CAB39: variants seen among roughly 807,000 people sequenced by gnomAD.
The protein encoded by CAB39 is calcium-binding protein 39.
A neutral mutation model predicts 40.0 loss-of-function variants in CAB39; 8 were observed. That is an observed-to-expected ratio of 0.20 (90% CI 0.12 to 0.36). CAB39 has a LOEUF of 0.36. CAB39 is among the 10% of genes least tolerant of loss of function. The pLI is 1.00. For synonymous variants in CAB39, 156 were observed against 141.6 expected, an observed-to-expected ratio of 1.10 and a Z score of -0.72; for missense variants, 270 against 401.1, an observed-to-expected ratio of 0.67 and a Z score of 2.79.
At chr2:230,818,318 G>A (rs112770336) in intron 8 of CAB39, 198 bp from the exon 9 acceptor site, 20 of 547,118 alleles carry the variant, frequency 3.7e-5, no homozygotes, top group African/African-American at 1.7e-4. Context: ...TTTATCAGTC[G>A]TATTTGTGTT....
chr2:230,815,244 C>T (rs925064193), intron 7 of CAB39, among the ~76,000 whole-genome samples: 1 of 152,256 alleles, frequency 6.6e-6, no homozygotes, highest in Admixed American at 6.5e-5. Context: ...AGCTGGGGAA[C>T]AGGCACAGTC....
intron 1 of CAB39, among the ~76,000 whole-genome samples, chr2:230,748,868 A>ATATATATATATATATAT (rs1553669218): frequency 9.7e-5 from 12 of 123,356 alleles, no homozygotes; most frequent in East Asian, 5.0e-4. Flanking sequence ...ATATATATAT[A>ATATATATATATATATAT]ACAAAATGGT....
intron 5 of CAB39, among the ~76,000 whole-genome samples, chr2:230,802,438 A>G (rs1184357481): frequency 1.3e-5 from 2 of 152,222 alleles, no homozygotes; most frequent in Non-Finnish European, 2.9e-5. Flanking sequence ...ATAGAGACAC[A>G]GAAAACTTTT....
At chr2:230,788,567 T>G (rs1025540149) in intron 2 of CAB39, among the ~76,000 whole-genome samples, 1 of 152,226 alleles carries the variant, frequency 6.6e-6, no homozygotes, top group Non-Finnish European at 1.5e-5. Flanking sequence ...AGGACTTCCT[T>G]AAATATTTCA....
intron 2 of CAB39, among the ~76,000 whole-genome samples, chr2:230,768,099 G>T (rs1312432162): frequency 6.6e-6 from 1 of 152,060 alleles, no homozygotes; most frequent in East Asian, 1.9e-4. Flanking sequence ...TATTGAAAAT[G>T]GAATCAAAAA....
chr2:230,732,376 C>T (rs1370889578), intron 1 of CAB39, among the ~76,000 whole-genome samples: 1 of 152,172 alleles, frequency 6.6e-6, no homozygotes, highest in Non-Finnish European at 1.5e-5. Flanking sequence ...GCCACCGCGC[C>T]CGGCCGAAAT....
intron 2 of CAB39, among the ~76,000 whole-genome samples, chr2:230,786,415 A>G (rs1430194521): frequency 1.3e-5 from 2 of 152,158 alleles, no homozygotes; most frequent in African/African-American, 4.8e-5. Flanking sequence ...CATGCCGTAT[A>G]GTTCACCCAT....
At chr2:230,798,404 C>A (rs985582771) in intron 4 of CAB39, among the ~76,000 whole-genome samples, 1 of 152,150 alleles carries the variant, frequency 6.6e-6, no homozygotes, top group Non-Finnish European at 1.5e-5. Flanking sequence ...AAGCTAACCC[C>A]TGTATGGAGT....
chr2:230,798,589 C>T (rs1006038751), intron 4 of CAB39, 140 bp from the exon 5 acceptor site: 4 of 628,596 alleles, frequency 6.4e-6, no homozygotes, highest in Admixed American at 7.0e-5. Context: ...ACTGAAATAC[C>T]TTCTGTAATC....
rs1160253213 is a variant in CAB39, at chr2:230,813,978, C to CTTTTT, written c.628-41_628-37dup. 111 of 113,110 alleles carry CTTTTT rather than the reference C, an allele frequency of 9.8e-4. 30 individuals are homozygous for CTTTTT. Among genetic ancestry groups the CTTTTT allele is most frequent in the South Asian group, 2.0e-3 (24 of 11,912 alleles). 7.0% of individuals were successfully genotyped at this position (113,110 alleles called of 1,614,324 possible). On this transcript the variant is annotated intron_variant, in intron 6 of 8. Transcript: ENST00000258418. ...CTAATTTACAATGTTACCTACCAGT[C>CTTTTT]TTTTTTTTTTTTTTTTTTTTTTTTT...
chr2:230,770,562 T>A (rs536902739), intron 2 of CAB39, among the ~76,000 whole-genome samples: 3 of 152,328 alleles, frequency 2.0e-5, no homozygotes, highest in South Asian at 2.1e-4. Context: ...TCCAGAAAAT[T>A]TAAGAGAAAT....
chr2:230,722,240 A>AT (rs1338790541), intron 1 of CAB39, among the ~76,000 whole-genome samples: 1 of 152,216 alleles, frequency 6.6e-6, no homozygotes, highest in African/African-American at 2.4e-5. Context: ...TCAGCATGCA[A>AT]TTTGAGAGAC....
At chr2:230,775,189 C>T (rs143309257) in intron 2 of CAB39, among the ~76,000 whole-genome samples, 1 of 151,460 alleles carries the variant, frequency 6.6e-6, no homozygotes, top group Non-Finnish European at 1.5e-5. Context: ...ATTTAAGCCT[C>T]ATCATTCCCC....
At chr2:230,742,254 A>C (rs1694891767) in intron 1 of CAB39, among the ~76,000 whole-genome samples, 1 of 152,146 alleles carries the variant, frequency 6.6e-6, no homozygotes, top group African/African-American at 2.4e-5. Flanking sequence ...GGCTCACTGC[A>C]AGCTCCGTCT....
chr2:230,813,978 C>CTTGTTTTTTTTTTTTTTT, intron 6 of CAB39, 71 bp from the exon 7 acceptor site: 1 of 111,338 alleles, frequency 9.0e-6, no homozygotes. Flanking sequence ...ACCTACCAGT[C>CTTGTTTTTTTTTTTTTTT]TTTTTTTTTT....
chr2:230,765,189 C>T (rs998808938), intron 2 of CAB39, among the ~76,000 whole-genome samples: 1 of 152,146 alleles, frequency 6.6e-6, no homozygotes, highest in Non-Finnish European at 1.5e-5. Flanking sequence ...CAGGGTTTCA[C>T]CATGTTGGCC....
chr2:230,735,351 G>A (rs1694768250), intron 1 of CAB39, among the ~76,000 whole-genome samples: 2 of 152,038 alleles, frequency 1.3e-5, no homozygotes, highest in South Asian at 4.1e-4. Context: ...ATTTTTAGTA[G>A]AGATGGGGTT....
intron 5 of CAB39, among the ~76,000 whole-genome samples, chr2:230,804,515 CCAGAATCT>C (rs754315785): frequency 2.2e-4 from 33 of 152,284 alleles, no homozygotes; most frequent in South Asian, 2.1e-3. Flanking sequence ...GGGCTAATAT[CCAGAATCT>C]ACAAAGAACT....
intron 1 of CAB39, among the ~76,000 whole-genome samples, chr2:230,719,810 A>G (rs1694414592): frequency 6.6e-6 from 1 of 152,184 alleles, no homozygotes; most frequent in African/African-American, 2.4e-5. Flanking sequence ...AGTGATTTGT[A>G]TGTAGGCTTC....
Sources: allele counts gnomAD v4.1 joint callset (sites outside exome capture counted in the v4.1 genomes callset), GRCh38; gene constraint gnomAD v4.1.1; transcripts MANE v1.5; gene names NCBI Gene and HGNC (gene_info 2026-07-23, HGNC 2026-07-21).